The following SLC9D1 variants were observed in gnomAD, a reference collection of about 807,000 sequenced individuals.
The protein encoded by SLC9D1 is putative LAG1-interacting protein.
At chr13:113,501,386 G>C in the SLC9D1 span, among the ~76,000 whole-genome samples, 862 of 152,286 alleles carry the variant, frequency 5.7e-3, 6 homozygotes, top group African/African-American at 0.02. Flanking sequence ...GTGCTTTAAA[G>C]TATATAGGAA....
the SLC9D1 span, among the ~76,000 whole-genome samples, chr13:113,521,831 A>AT: frequency 3.9e-5 from 6 of 152,196 alleles, no homozygotes; most frequent in Admixed American, 3.9e-4. Flanking sequence ...TTAAAGTGGG[A>AT]TAGGACTGTA....
the SLC9D1 span, among the ~76,000 whole-genome samples, chr13:113,541,392 A>C: frequency 7.1e-6 from 1 of 141,122 alleles, no homozygotes; most frequent in Non-Finnish European, 1.5e-5. Flanking sequence ...TGTGTGGATG[A>C]TACGCACACG....
chr13:113,544,131 C>T, the SLC9D1 span, among the ~76,000 whole-genome samples: 4 of 152,228 alleles, frequency 2.6e-5, no homozygotes, highest in Admixed American at 6.5e-5. Context: ...GCTGCCTGCC[C>T]GGTGCAGCCG....
chr13:113,519,831 T>C, the SLC9D1 span, among the ~76,000 whole-genome samples: 7 of 149,194 alleles, frequency 4.7e-5, no homozygotes, highest in Non-Finnish European at 1.5e-5. Context: ...ACATCAAGTC[T>C]GTGTTGGTCT....
At chr13:113,493,101 T>A in the SLC9D1 span, among the ~76,000 whole-genome samples, 1 of 149,638 alleles carries the variant, frequency 6.7e-6, no homozygotes, top group Non-Finnish European at 1.5e-5. Context: ...ATAAATAATT[T>A]CAGTTTCATG....
chr13:113,493,073 T>C, the SLC9D1 span, among the ~76,000 whole-genome samples: 1 of 152,002 alleles, frequency 6.6e-6, no homozygotes, highest in Non-Finnish European at 1.5e-5. Flanking sequence ...ATAAAGGTGA[T>C]TTGTATTTTA....
chr13:113,513,752 A>G, the SLC9D1 span, among the ~76,000 whole-genome samples: 2 of 152,218 alleles, frequency 1.3e-5, no homozygotes, highest in Non-Finnish European at 2.9e-5. Context: ...TTCTCCCCAA[A>G]TTTATAAACT....
At chr13:113,536,176 G>C in the SLC9D1 span, among the ~76,000 whole-genome samples, 2 of 152,004 alleles carry the variant, frequency 1.3e-5, no homozygotes, top group Non-Finnish European at 2.9e-5. Context: ...TCAGGAGTTC[G>C]AGACCAGCTT....
the SLC9D1 span, chr13:113,514,188 TACTA>T: frequency 6.6e-6 from 1 of 152,206 alleles, no homozygotes; most frequent in South Asian, 2.1e-4. Context: ...TTCTTTTTCA[TACTA>T]ACCTCACTAT....
chr13:113,526,314 A>C, the SLC9D1 span, among the ~76,000 whole-genome samples: 1 of 152,264 alleles, frequency 6.6e-6, no homozygotes, highest in Non-Finnish European at 1.5e-5. Flanking sequence ...TTTCTGTTTT[A>C]AGTGTCATTA....
the SLC9D1 span, among the ~76,000 whole-genome samples, chr13:113,532,182 T>C: frequency 2.6e-5 from 4 of 152,152 alleles, no homozygotes. Context: ...GCTGCTGTTG[T>C]GTTTTGGAGA....
At chr13:113,519,806 G>A in the SLC9D1 span, among the ~76,000 whole-genome samples, 4 of 152,276 alleles carry the variant, frequency 2.6e-5, no homozygotes, top group East Asian at 1.9e-4. Flanking sequence ...GCTTGGGTGC[G>A]TCTGCACCAT....
chr13:113,503,579 G>A, the SLC9D1 span: 7 of 1,612,288 alleles, frequency 4.3e-6, no homozygotes, highest in Middle Eastern at 1.6e-4. Flanking sequence ...CTCCAGAAAA[G>A]CTAAGAAAGG....
chr13:113,514,275 T>C, the SLC9D1 span: 29 of 152,344 alleles, frequency 1.9e-4, no homozygotes, highest in African/African-American at 6.0e-4. Context: ...ACATTTCCTA[T>C]AGTTATTTAT....
chr13:113,506,596 G>A, the SLC9D1 span, among the ~76,000 whole-genome samples: 3 of 149,682 alleles, frequency 2.0e-5, no homozygotes, highest in South Asian at 4.2e-4. Context: ...AGAGAGGTTT[G>A]CAGCAAAGGG....
At chr13:113,499,232 C>G in the SLC9D1 span, among the ~76,000 whole-genome samples, 30 of 152,288 alleles carry the variant, frequency 2.0e-4, no homozygotes, top group Admixed American at 5.9e-4. Context: ...AGAGGTCACT[C>G]TCATTGCCAT....
At chr13:113,547,395 G>A in the SLC9D1 span, 3 of 1,602,914 alleles carry the variant, frequency 1.9e-6, no homozygotes, top group Non-Finnish European at 1.7e-6. Context: ...GACTGGAAGG[G>A]TCCACGCCCC....
chr13:113,535,788 G>C, the SLC9D1 span, among the ~76,000 whole-genome samples: 1 of 152,222 alleles, frequency 6.6e-6, no homozygotes, highest in Non-Finnish European at 1.5e-5. The surrounding 1 kb of genome is among the most constrained non-coding windows in gnomAD (Gnocchi z 4.1). Context: ...TCTGGGGAGG[G>C]GCTGGGGATG....
chr13:113,503,054 T>C, the SLC9D1 span, among the ~76,000 whole-genome samples: 1 of 152,244 alleles, frequency 6.6e-6, no homozygotes, highest in Non-Finnish European at 1.5e-5. Context: ...TAGGTCTTTT[T>C]CACGTGATTC....
Sources: allele counts gnomAD v4.1 joint callset (sites outside exome capture counted in the v4.1 genomes callset), GRCh38; gene constraint gnomAD v4.1.1; non-coding constraint Gnocchi (gnomAD v3.1); transcripts MANE v1.5; gene names NCBI Gene and HGNC (gene_info 2026-07-23, HGNC 2026-07-21).